KIAA0825: variants seen among roughly 807,000 people sequenced by gnomAD.
KIAA0825 encodes the protein KIAA0825, also known as uncharacterized protein KIAA0825.
Under a neutral mutation model 147.6 loss-of-function variants are expected in KIAA0825, and 119 were observed. The observed-to-expected ratio is 0.81, with a 90% CI of 0.69 to 0.94. The LOEUF (loss-of-function observed/expected upper bound fraction) is 0.94. Ranked by LOEUF, KIAA0825 falls within the 40% of genes least tolerant of loss-of-function variation. KIAA0825 has a pLI of 0.00. For missense variants in KIAA0825, 1,381 were observed against 1,472.7 expected, an observed-to-expected ratio of 0.94 and a Z score of 1.02; for synonymous variants, 470 against 518.1, an observed-to-expected ratio of 0.91 and a Z score of 1.26.
chr5:94,395,537 C>T (rs1015406530), intron 17 of KIAA0825, among the ~76,000 whole-genome samples: 7 of 152,124 alleles, frequency 4.6e-5, no homozygotes, highest in Admixed American at 2.0e-4. Flanking sequence ...TCACTTAGCT[C>T]TTAGTGACAA....
intron 5 of KIAA0825, among the ~76,000 whole-genome samples, chr5:94,511,710 G>A (rs747185497): frequency 2.6e-5 from 4 of 151,798 alleles, no homozygotes; most frequent in African/African-American, 7.3e-5. Context: ...TGACTTGGCC[G>A]GGCGCAGTGG....
intron 20 of KIAA0825, among the ~76,000 whole-genome samples, chr5:94,314,919 A>G (rs1253896900): frequency 1.3e-5 from 2 of 151,760 alleles, no homozygotes; most frequent in South Asian, 2.1e-4. Context: ...CAGATTGAGC[A>G]TATGAATTTG....
At chr5:94,603,460 A>G (rs1293777832) in intron 1 of KIAA0825, among the ~76,000 whole-genome samples, 3 of 152,350 alleles carry the variant, frequency 2.0e-5, no homozygotes, top group African/African-American at 2.4e-5. Context: ...ACTACCAGAC[A>G]TTACAAAAAC....
At chr5:94,542,632 C>T (rs1386079727) in intron 2 of KIAA0825, among the ~76,000 whole-genome samples, 1 of 152,058 alleles carries the variant, frequency 6.6e-6, no homozygotes, top group Admixed American at 6.5e-5. Flanking sequence ...AATGGCAAAA[C>T]TCCGTCTCTA....
At chr5:94,199,059 T>C (rs1468447083) in intron 20 of KIAA0825, among the ~76,000 whole-genome samples, 1 of 152,206 alleles carries the variant, frequency 6.6e-6, no homozygotes, top group Non-Finnish European at 1.5e-5. Context: ...TCCATTTCAG[T>C]CTGGTTAAGA....
At chr5:94,215,070 G>C (rs1412316193) in intron 20 of KIAA0825, among the ~76,000 whole-genome samples, 1 of 152,090 alleles carries the variant, frequency 6.6e-6, no homozygotes, top group Non-Finnish European at 1.5e-5. Context: ...AAAAGTGAAA[G>C]TTTCAGAGGG....
intron 1 of KIAA0825, among the ~76,000 whole-genome samples, chr5:94,614,737 A>G (rs976209902): frequency 1.3e-5 from 2 of 151,696 alleles, no homozygotes; most frequent in Non-Finnish European, 2.9e-5. Flanking sequence ...TTGCATTCCC[A>G]TGTTTTGTGT....
chr5:94,258,226 A>G (rs1394420589), intron 20 of KIAA0825, among the ~76,000 whole-genome samples: 1 of 152,030 alleles, frequency 6.6e-6, no homozygotes, highest in Non-Finnish European at 1.5e-5. Context: ...CAAAAGAGGA[A>G]GAGGAAGGGT....
chr5:94,193,669 C>A (rs982284964), intron 20 of KIAA0825, among the ~76,000 whole-genome samples: 8 of 152,114 alleles, frequency 5.3e-5, no homozygotes, highest in African/African-American at 1.9e-4. Flanking sequence ...TCACAACAAC[C>A]CTATGAAATA....
intron 13 of KIAA0825, among the ~76,000 whole-genome samples, chr5:94,448,738 G>C (rs1402628097): frequency 6.6e-6 from 1 of 152,084 alleles, no homozygotes; most frequent in Non-Finnish European, 1.5e-5. Context: ...AGTTTTGAAG[G>C]ATAATTTGGG....
Position 94,151,423 on chromosome 5 carries a change from CAAAAAAAA to C in KIAA0825, c.*2576_*2583del, listed in dbSNP as rs11363132. Among the ~76,000 whole-genome samples, 3 of 21,524 alleles carry C rather than the reference CAAAAAAAA, an allele frequency of 1.4e-4. No homozygotes were observed. Among genetic ancestry groups the C allele is most frequent in the Non-Finnish European group, 2.7e-4 (3 of 10,928 alleles). 14.1% of individuals were successfully genotyped at this position (21,524 alleles called of 152,430 possible). A position where few individuals can be genotyped will look rare whatever the true frequency, so the allele number is the denominator to read the frequency against. Reference sequence around the variant, plus strand: ...TGGGCGACAGAGCGAGACTCCGTCTCAAAAAAAAAAAAAAAAAAAAAAAAAAAACATAT... The same window carrying C: ...TGGGCGACAGAGCGAGACTCCGTCTCAAAAAAAAAAAAAAAAAAAACATAT... On this transcript the variant is annotated 3_prime_UTR_variant, in exon 21 of 21. Transcript: ENST00000682413.
intron 20 of KIAA0825, among the ~76,000 whole-genome samples, chr5:94,362,510 C>G (rs148767031): frequency 1.3e-5 from 2 of 152,178 alleles, no homozygotes; most frequent in African/African-American, 2.4e-5. Context: ...TACTTCTCAC[C>G]TTGGCTACCT....
At position 94,277,130 on chromosome 5, in the gene KIAA0825, A is replaced by G. The variant is rs182400991; in HGVS notation, c.3710+107238T>C. On this transcript the variant is annotated intron_variant, in intron 20 of 20. Transcript: ENST00000682413. ...AGTAAAGGTAAGATTTTTCAGTCTCATTTGATACTCTGTTTTATTTCTGAT... is the reference window on the plus strand; with the variant it reads ...AGTAAAGGTAAGATTTTTCAGTCTCGTTTGATACTCTGTTTTATTTCTGAT... 2.0e-4 allele frequency among the ~76,000 whole-genome samples: 31 copies of G among 152,266 alleles called. No individual in the cohort carries two copies. In the Middle Eastern group the frequency reaches 0.014, roughly 67 times the overall value.
At chr5:94,209,682 G>A (rs139874947) in intron 20 of KIAA0825, among the ~76,000 whole-genome samples, 1 of 152,072 alleles carries the variant, frequency 6.6e-6, no homozygotes, top group African/African-American at 2.4e-5. Flanking sequence ...TTTTTTAATG[G>A]TGGCTAGAAT....
At chr5:94,615,880 A>G (rs541826284) in intron 1 of KIAA0825, among the ~76,000 whole-genome samples, 2 of 152,088 alleles carry the variant, frequency 1.3e-5, no homozygotes, top group African/African-American at 2.4e-5. Flanking sequence ...AGAGTGCAGT[A>G]GTATGATCAT....
chr5:94,454,385 A>G (rs1364542198), intron 12 of KIAA0825, among the ~76,000 whole-genome samples: 8 of 152,104 alleles, frequency 5.3e-5, no homozygotes, highest in African/African-American at 2.4e-5. Flanking sequence ...TGCTTTTTCA[A>G]ATCTGACCCT....
chr5:94,384,321 A>C lies in KIAA0825; in HGVS notation c.3710+47T>G, dbSNP rs916605469. On this transcript the variant is annotated intron_variant, in intron 20 of 20. Transcript: ENST00000682413. Reference sequence around the variant, plus strand: ...TGTATACACACACACACGCACACACACAACCTTGTCCCTCAACCAGACCCC... The same window carrying C: ...TGTATACACACACACACGCACACACCCAACCTTGTCCCTCAACCAGACCCC... The C allele has an allele frequency of 1.9e-5, 27 of 1,403,848 alleles. No individual in the cohort carries two copies. In the East Asian group the frequency reaches 6.7e-4, roughly 35 times the overall value. 87.0% of individuals were successfully genotyped at this position (1,403,848 alleles called of 1,614,324 possible). A position where few individuals can be genotyped will look rare whatever the true frequency, so the allele number is the denominator to read the frequency against.
At chr5:94,512,667 G>A (rs183111240) in intron 5 of KIAA0825, among the ~76,000 whole-genome samples, 1 of 151,480 alleles carries the variant, frequency 6.6e-6, no homozygotes, top group Non-Finnish European at 1.5e-5. Context: ...GCTGAGGTGG[G>A]CGGATCATCT....
In KIAA0825 at chr5:94,391,661, T is replaced by G; in HGVS notation, c.3330A>C (p.Leu1110Phe). ...GTTCAAGAGCAACATCTCCTTCTTG[T>G]AAGGCCGTGCTTTTCTCTATTGTCA... ...AFMTIEKSTA[L>F]QEGDVALELT... Residue 1110 changes from leucine to phenylalanine, a missense_variant, in exon 18 of 21, where the codon TTA (leucine) becomes TTC (phenylalanine). Coordinates refer to ENST00000682413, the MANE Select transcript of KIAA0825 (RefSeq NM_001145678.3). 2 of 1,550,254 alleles carry G rather than the reference T, an allele frequency of 1.3e-6. No homozygotes were observed. Among genetic ancestry groups the G allele is most frequent in the Non-Finnish European group, 1.7e-6 (2 of 1,146,188 alleles).
Sources: gnomAD v4.1 joint callset for allele counts (sites outside exome capture counted in the v4.1 genomes callset) on GRCh38, gnomAD v4.1.1 for gene constraint, MANE v1.5 for transcripts, NCBI Gene and HGNC (gene_info 2026-07-23, HGNC 2026-07-21) for gene names.